Variants in CKAP2L observed in about 807,000 individuals in gnomAD.
The protein encoded by CKAP2L is cytoskeleton associated protein 2L.
Under a neutral mutation model 65.7 loss-of-function variants are expected in CKAP2L, and 42 were observed. The ratio of observed to expected loss-of-function variants is 0.64; its 90% CI spans 0.50 to 0.83. The LOEUF (loss-of-function observed/expected upper bound fraction) is 0.83, where lower values mean the gene tolerates loss of function less well. Ranked by LOEUF, CKAP2L falls within the 40% of genes least tolerant of loss-of-function variation. The probability of loss-of-function intolerance (pLI) is 0.00; values close to 1 mark genes in which losing one functional copy is unlikely to be tolerated. For missense variants in CKAP2L, 908 were observed against 871.0 expected (o/e 1.04, Z -0.53); for synonymous variants, 325 against 313.5 (o/e 1.04, Z -0.39).
chr2:112,742,947 C>A lies in CKAP2L; in HGVS notation c.1759-178G>T, dbSNP rs1048507686. 7.0e-6 allele frequency: 4 copies of A among 567,890 alleles called. No individual in the cohort carries two copies. The Admixed American group carries it at 1.0e-4, about 14-fold the overall frequency. 35.2% of individuals were successfully genotyped at this position (567,890 alleles called of 1,614,324 possible). A position where few individuals can be genotyped will look rare whatever the true frequency, so the allele number is the denominator to read the frequency against. ...TAGCTTCATGAGAAAAGTAAAGGAACAGAGAAAATTCTGATTAAGTGTTGG... is the reference window on the plus strand; with the variant it reads ...TAGCTTCATGAGAAAAGTAAAGGAAAAGAGAAAATTCTGATTAAGTGTTGG... On this transcript the variant is annotated intron_variant, in intron 6 of 8. Transcript: ENST00000302450.
chr2:112,751,299 TA>T (rs1292302982), intron 5 of CKAP2L, among the ~76,000 whole-genome samples: 1 of 152,192 alleles, frequency 6.6e-6, no homozygotes, highest in East Asian at 1.9e-4. Context: ...AAAATGTGAA[TA>T]AAAGAATTGC....
At chr2:112,740,496 T>G (rs114759838) in intron 8 of CKAP2L, among the ~76,000 whole-genome samples, 1 of 152,330 alleles carries the variant, frequency 6.6e-6, no homozygotes, top group Non-Finnish European at 1.5e-5. Context: ...TAGAGGGGTA[T>G]TCACTGTCCC....
chr2:112,764,577 C>T lies in CKAP2L; in HGVS notation c.22G>A (p.Ala8Thr). ...TCGTACTCACCGACAGCGGCAGCAG[C>T]GGTAGGCCCGGGCCCCACCATGACT... MVGPGPT[A>T]AAAVEERQRK... The change falls in exon 1 of 9, where the codon GCT becomes ACT. Residue 8 changes from alanine to threonine, a missense_variant. Transcript: ENST00000302450. 6.2e-6 allele frequency: 10 copies of T among 1,614,176 alleles called. No individual in the cohort carries two copies. The highest frequency in any genetic ancestry group is 2.2e-5 in the East Asian group (1 of 44,878).
At chr2:112,753,672 C>T (rs1349891108) in intron 4 of CKAP2L, among the ~76,000 whole-genome samples, 8 of 151,674 alleles carry the variant, frequency 5.3e-5, no homozygotes, top group South Asian at 2.1e-4. Flanking sequence ...CAATTACAGG[C>T]GCGTGCCACC....
intron 5 of CKAP2L, among the ~76,000 whole-genome samples, chr2:112,750,705 G>A (rs1032932034): frequency 2.6e-5 from 4 of 151,514 alleles, no homozygotes; most frequent in Admixed American, 6.6e-5. Context: ...GATCCTGACT[G>A]ATAAAGAGTA....
At chr2:112,759,977 T>C (rs1289982598) in intron 3 of CKAP2L, among the ~76,000 whole-genome samples, 1 of 152,126 alleles carries the variant, frequency 6.6e-6, no homozygotes, top group Non-Finnish European at 1.5e-5. Flanking sequence ...TAAAACTTAT[T>C]AAAATTCTCA....
intron 6 of CKAP2L, 53 bp from the exon 7 acceptor site, chr2:112,742,822 T>A: frequency 7.6e-7 from 1 of 1,317,544 alleles, no homozygotes; most frequent in Non-Finnish European, 1.1e-6. Context: ...ATGCAAAAAA[T>A]TTGCTAAGGA....
intron 3 of CKAP2L, 150 bp from the exon 4 acceptor site, chr2:112,757,364 T>A: frequency 7.1e-6 from 3 of 420,354 alleles, no homozygotes; most frequent in Non-Finnish European, 1.3e-5. Context: ...AAAGAAAGAC[T>A]CACTAATAGG....
chr2:112,747,479 C>T (rs72952109), intron 5 of CKAP2L, among the ~76,000 whole-genome samples: 4,990 of 152,076 alleles, frequency 0.033, 276 homozygotes, highest in African/African-American at 0.11. Flanking sequence ...CACAGGCATG[C>T]GAAGGTCATA....
chr2:112,763,832 T>G (rs1680807647), intron 1 of CKAP2L: 1 of 152,280 alleles, frequency 6.6e-6, no homozygotes, highest in African/African-American at 2.4e-5. Context: ...CTCCGTGACT[T>G]CTAGCAAATT....
chr2:112,762,376 C>G, intron 2 of CKAP2L, 127 bp downstream of exon 2: 1 of 700,984 alleles, frequency 1.4e-6, no homozygotes. Flanking sequence ...GCTCTTTTTG[C>G]GTTATCATAG....
Position 112,741,019 on chromosome 2 carries a change from A to C in CKAP2L, c.1823-12T>G. ...GTCAGAAGTAATCCCTGTGTATGTAAGATCATGAAGGAAAGTAAGATTTAC... is the reference window on the plus strand; with the variant it reads ...GTCAGAAGTAATCCCTGTGTATGTACGATCATGAAGGAAAGTAAGATTTAC... On this transcript the variant is annotated splice_polypyrimidine_tract_variant and intron_variant, in intron 7 of 8. Coordinates refer to ENST00000302450, the MANE Select transcript of CKAP2L (RefSeq NM_152515.5). The C allele has an allele frequency of 6.4e-7, 1 of 1,563,164 alleles. No homozygotes were observed.
chr2:112,739,018 C>G lies in CKAP2L; in HGVS notation c.2043G>C (p.Met681Ile). The change falls in exon 9 of 9, where the codon ATG becomes ATC. Residue 681 changes from methionine to isoleucine, a missense_variant. Transcript: ENST00000302450. ...AACGCCGTACAGGAGTGATAAATTT[C>G]ATGTCTTGCACTTCCGGCATCCCAT... ...RINGMPEVQD[M>I]KFITPVRRSS... is the part of the protein sequence containing the mutation. The G allele has an allele frequency of 1.2e-6, 2 of 1,614,140 alleles. No homozygotes were observed. Among genetic ancestry groups the G allele is most frequent in the South Asian group, 2.2e-5 (2 of 91,072 alleles).
intron 1 of CKAP2L, among the ~76,000 whole-genome samples, chr2:112,763,094 C>G (rs1680778980): frequency 6.6e-6 from 1 of 152,180 alleles, no homozygotes; most frequent in Admixed American, 6.5e-5. Context: ...CCTAAATTTA[C>G]ATTATTGCTT....
chr2:112,744,607 C>A (rs1415605878), intron 6 of CKAP2L, among the ~76,000 whole-genome samples: 1 of 152,132 alleles, frequency 6.6e-6, no homozygotes, highest in Non-Finnish European at 1.5e-5. Flanking sequence ...AGGAGATAAG[C>A]AAAAGTTTCT....
rs1393768900 is a variant in CKAP2L at position 112,756,943 on chromosome 2, T to C, written c.428A>G (p.Asn143Ser). 3.7e-6 allele frequency: 6 copies of C among 1,614,130 alleles called. No individual in the cohort carries two copies. In the African/African-American group the frequency reaches 8.0e-5, roughly 22 times the overall value. ...ELSRKPVGSL[N>S]IEQLKTTKQQ... ...CTTTGTAGTTTTCAATTGCTCTATA[T>C]TAAGTGACCCCACAGGTTTTCTTGA... The change falls in exon 4 of 9, where the codon AAT (asparagine) becomes AGT (serine). Residue 143 changes from asparagine (N) to serine (S), a missense_variant. Asn to Ser is a conservative substitution (Grantham distance 46, BLOSUM62 1). Coordinates refer to ENST00000302450, the MANE Select transcript of CKAP2L (RefSeq NM_152515.5).
At chr2:112,746,382 G>C in intron 6 of CKAP2L, 38 bp downstream of exon 6, 1 of 1,534,078 alleles carries the variant, frequency 6.5e-7, no homozygotes, top group Non-Finnish European at 8.9e-7. Context: ...ACATGAAAGA[G>C]AATTTTAAGA....
chr2:112,743,467 A>C (rs980144826), intron 6 of CKAP2L, among the ~76,000 whole-genome samples: 6 of 149,856 alleles, frequency 4.0e-5, no homozygotes, highest in Non-Finnish European at 8.9e-5. Context: ...TTTGAGATGG[A>C]GTCTCTGTCA....
chr2:112,762,932 T>C (rs1323100446), intron 1 of CKAP2L, among the ~76,000 whole-genome samples: 1 of 152,106 alleles, frequency 6.6e-6, no homozygotes, highest in African/African-American at 2.4e-5. Flanking sequence ...TACAGGCGTG[T>C]ACCACCATGC....
Sources: gnomAD v4.1 joint callset for allele counts (sites outside exome capture counted in the v4.1 genomes callset) on GRCh38, gnomAD v4.1.1 for gene constraint, MANE v1.5 for transcripts, NCBI Gene and HGNC (gene_info 2026-07-23, HGNC 2026-07-21) for gene names.